Variants in APC observed in about 807,000 individuals in gnomAD.
The protein encoded by APC is APC regulator of Wnt signaling pathway, also known as adenomatous polyposis coli protein.
APC carries 72 observed loss-of-function variants against 247.0 expected under a neutral mutation model. The ratio of observed to expected loss-of-function variants is 0.29; its 90% CI spans 0.24 to 0.35. The LOEUF (loss-of-function observed/expected upper bound fraction) is 0.35, where lower values mean the gene tolerates loss of function less well. APC is among the 10% of genes least tolerant of loss of function. The probability of loss-of-function intolerance (pLI) is 1.00; values close to 1 mark genes in which losing one functional copy is unlikely to be tolerated. For synonymous variants in APC, 1,254 were observed against 1,162.5 expected (o/e 1.08, Z -1.60); for missense variants, 3,400 against 3,360.7 (o/e 1.01, Z -0.29).
Position 112,788,438 on chromosome 5 carries a change from C to T in APC, c.646-4008C>T, listed in dbSNP as rs140576792. Among the ~76,000 whole-genome samples the T allele has an allele frequency of 2.6e-3, 399 of 152,238 alleles. 2 individuals carry two copies. Among genetic ancestry groups the T allele is most frequent in the African/African-American group, 9.2e-3 (382 of 41,550 alleles). ...AGACCTTCTATATTCAAATCCCAGA[C>T]CTGCCACTTAGCAACACCATGATCC... On this transcript the variant is annotated intron_variant, in intron 6 of 15. Coordinates refer to ENST00000257430, the MANE Select transcript of APC (RefSeq NM_000038.6).
intron 2 of APC, among the ~76,000 whole-genome samples, chr5:112,759,099 A>G (rs1351506307): frequency 6.6e-6 from 1 of 152,234 alleles, no homozygotes; most frequent in Non-Finnish European, 1.5e-5. Context: ...GTAAAACAAT[A>G]TACATGTAAA....
rs896267994 is a variant in APC at position 112,798,373 on chromosome 5, A to G, written c.730-2906A>G. 4.6e-5 allele frequency among the ~76,000 whole-genome samples: 7 copies of G among 152,230 alleles called. No individual in the cohort carries two copies. In the South Asian group the frequency reaches 1.2e-3, roughly 27 times the overall value. ...CAGAAAAGGCAAAATTTCTAAAGAC[A>G]AAAAGTACATTAGTGGTTGTCTGAC... On this transcript the variant is annotated intron_variant, in intron 7 of 15. Transcript: ENST00000257430.
At chr5:112,752,072 G>A (rs1187307176) in intron 1 of APC, among the ~76,000 whole-genome samples, 1 of 151,426 alleles carries the variant, frequency 6.6e-6, no homozygotes, top group Non-Finnish European at 1.5e-5. Flanking sequence ...ATCTCTTTTG[G>A]GATCAGTTCT....
At chr5:112,828,757 TTTC>T in intron 13 of APC, 96 bp from the exon 14 acceptor site, 1 of 866,190 alleles carries the variant, frequency 1.2e-6, no homozygotes, top group Non-Finnish European at 1.9e-6. Flanking sequence ...CCAGAATTTC[TTTC>T]TTAATAGATT....
intron 8 of APC, among the ~76,000 whole-genome samples, chr5:112,805,823 C>A (rs1041192698): frequency 6.6e-6 from 1 of 152,216 alleles, no homozygotes; most frequent in Non-Finnish European, 1.5e-5. Flanking sequence ...ATTCTCTTCA[C>A]CACCACGTGG....
intron 1 of APC, chr5:112,738,373 A>G (rs1301606076): frequency 5.1e-6 from 5 of 985,696 alleles, no homozygotes; most frequent in Non-Finnish European, 4.8e-6. Context: ...TTGGTGGCCA[A>G]AAGAGAGAGG....
intron 14 of APC, among the ~76,000 whole-genome samples, chr5:112,833,258 C>G (rs1193066320): frequency 6.7e-6 from 1 of 150,218 alleles, no homozygotes; most frequent in South Asian, 2.1e-4. Flanking sequence ...TCTCGGCTCA[C>G]TGCAACCTCT....
intron 1 of APC, among the ~76,000 whole-genome samples, chr5:112,711,511 A>G (rs1200313783): frequency 6.6e-6 from 1 of 152,226 alleles, no homozygotes; most frequent in Non-Finnish European, 1.5e-5. Flanking sequence ...TTTCTCAGGA[A>G]GTTTCTTCAC....
chr5:112,833,094 G>C (rs1291614752), intron 14 of APC, among the ~76,000 whole-genome samples: 1 of 151,132 alleles, frequency 6.6e-6, no homozygotes, highest in Admixed American at 6.6e-5. Context: ...CTGCCACACA[G>C]CCTTGACCTC....
intron 8 of APC, among the ~76,000 whole-genome samples, chr5:112,811,036 C>A (rs1348478512): frequency 6.6e-6 from 1 of 151,702 alleles, no homozygotes; most frequent in Admixed American, 6.6e-5. Flanking sequence ...CACACACACA[C>A]ACAAAAAAAG....
At chr5:112,829,885 A>T (rs550410770) in intron 14 of APC, 1 of 152,332 alleles carries the variant, frequency 6.6e-6, no homozygotes, top group Admixed American at 6.5e-5. Flanking sequence ...TAATTTGTTT[A>T]CAGAAGGAAA....
At chr5:112,816,009 T>G (rs986231294) in intron 9 of APC, among the ~76,000 whole-genome samples, 1 of 152,248 alleles carries the variant, frequency 6.6e-6, no homozygotes, top group African/African-American at 2.4e-5. Context: ...GATTAGCTAA[T>G]TTTTAATTCT....
chr5:112,749,479 ATTTTTTTTTT>A (rs536428390), intron 1 of APC, among the ~76,000 whole-genome samples: 1 of 104,066 alleles, frequency 9.6e-6, no homozygotes, highest in Admixed American at 1.2e-4. Context: ...TACTGCTCCA[ATTTTTTTTTT>A]TTTTTTTTTT....
At position 112,840,364 on chromosome 5, in the gene APC, A is replaced by G. The variant is rs973476980; in HGVS notation, c.4770A>G (p.Lys1590=). 2 of 1,614,240 alleles carry G rather than the reference A, an allele frequency of 1.2e-6. No individual in the cohort carries two copies. The highest frequency in any genetic ancestry group is 1.7e-6 in the Non-Finnish European group (2 of 1,180,040). The change falls in exon 16 of 16, where the codon AAA becomes AAG. Residue 1590 remains lysine, a synonymous_variant. Coordinates refer to ENST00000257430, the MANE Select transcript of APC (RefSeq NM_000038.6). This position sits in a 1 kb window ranked among gnomAD's most constrained non-coding sequence, Gnocchi z 4.1. Reference sequence around the variant, plus strand: ...CCATGCCAACAAAGTCATCACGTAAAGCAAAAAAGCCAGCCCAGACTGCTT... The same window carrying G: ...CCATGCCAACAAAGTCATCACGTAAGGCAAAAAAGCCAGCCCAGACTGCTT... The part of the protein sequence containing the change: ...ISAMPTKSSR[K]AKKPAQTASK...
At chr5:112,757,513 G>GTT (rs1301120547) in intron 2 of APC, among the ~76,000 whole-genome samples, 3 of 152,006 alleles carry the variant, frequency 2.0e-5, no homozygotes, top group Non-Finnish European at 2.9e-5. Context: ...CAGAAAGATT[G>GTT]TTTGAGCTCA....
rs864622562 is a variant in APC, at chr5:112,839,938, C to T, written c.4344C>T (p.Thr1448=). The T allele has an allele frequency of 3.1e-5, 50 of 1,614,034 alleles. No homozygotes were observed. The highest frequency in any genetic ancestry group is 4.0e-5 in the Non-Finnish European group (47 of 1,180,012). The change falls in exon 16 of 16, where the codon ACC becomes ACT. Residue 1448 remains threonine, a synonymous_variant. Coordinates refer to ENST00000257430, the MANE Select transcript of APC (RefSeq NM_000038.6). This position sits in a 1 kb window ranked among gnomAD's most constrained non-coding sequence, Gnocchi z 5.0. ...CACCACCTCCTCAAACAGCTCAAACCAAGCGAGAAGTACCTAAAAATAAAG... is the reference window on the plus strand; with the variant it reads ...CACCACCTCCTCAAACAGCTCAAACTAAGCGAGAAGTACCTAAAAATAAAG... ...TPPPPPQTAQ[T]KREVPKNKAP...
intron 10 of APC, among the ~76,000 whole-genome samples, chr5:112,820,220 C>T (rs1248248791): frequency 6.6e-6 from 1 of 151,354 alleles, no homozygotes; most frequent in African/African-American, 2.4e-5. Context: ...CACACACGTG[C>T]ACTACAAGTA....
rs761454123 is a variant in APC at position 112,707,530 on chromosome 5, C to T, written c.-188C>T. The T allele has an allele frequency of 2.7e-5, 13 of 487,828 alleles. No individual in the cohort carries two copies. Among genetic ancestry groups the T allele is most frequent in the African/African-American group, 3.9e-5 (2 of 51,522 alleles). 30.2% of individuals were successfully genotyped at this position (487,828 alleles called of 1,614,324 possible). On this transcript the variant is annotated 5_prime_UTR_variant, in exon 1 of 14. Transcript: ENST00000507379. ...AGTCTTCCCACCTCCCACAAGATGGCGGAGGGCAAGTAGCAAGGGGGCGGG... is the reference window on the plus strand; with the variant it reads ...AGTCTTCCCACCTCCCACAAGATGGTGGAGGGCAAGTAGCAAGGGGGCGGG...
At chr5:112,745,663 C>A (rs1332664135) in intron 1 of APC, among the ~76,000 whole-genome samples, 1 of 150,738 alleles carries the variant, frequency 6.6e-6, no homozygotes, top group Non-Finnish European at 1.5e-5. Context: ...TCAAGCGATT[C>A]TCCTGTCTTA....
Sources: allele counts gnomAD v4.1 joint callset (sites outside exome capture counted in the v4.1 genomes callset), GRCh38; gene constraint gnomAD v4.1.1; non-coding constraint Gnocchi (gnomAD v3.1); transcripts MANE v1.5; gene names NCBI Gene and HGNC (gene_info 2026-07-23, HGNC 2026-07-21).